The following LCN8 variants were observed in gnomAD, a reference collection of about 807,000 sequenced individuals.
LCN8 encodes lipocalin 8.
LCN8 carries 16 observed loss-of-function variants against 22.8 expected under a neutral mutation model. That is an observed-to-expected ratio of 0.70 (90% CI 0.47 to 1.06). The LOEUF (loss-of-function observed/expected upper bound fraction) is 1.06. Among genes scored for constraint, LCN8 ranks in the 50% least tolerant of loss-of-function variants. The pLI, the probability that LCN8 is intolerant of heterozygous loss-of-function variation, is 0.00. For synonymous variants in LCN8, 92 were observed against 83.4 expected (o/e 1.10, Z -0.56); for missense variants, 189 against 203.3 (o/e 0.93, Z 0.43).
At position 136,755,358 on chromosome 9, in the gene LCN8, G is replaced by A. The variant is rs114882933; in HGVS notation, c.332-25C>T. 4,742 of 1,610,028 alleles carry A rather than the reference G, an allele frequency of 2.9e-3. 133 individuals are homozygous for A. The African/African-American group carries it at 0.054, about 18-fold the overall frequency. On this transcript the variant is annotated intron_variant, in intron 4 of 6. Coordinates refer to ENST00000371688, the MANE Select transcript of LCN8 (RefSeq NM_178469.4). ...GCTGTGGGGCACAGGGGGGCTGGGC[G>A]GGCAGTCCCTGGGAGAGCAGCAGCT...
chr9:136,757,903 C>G lies in LCN8; in HGVS notation c.24+4G>C, dbSNP rs371587943. 1.2e-6 allele frequency: 2 copies of G among 1,613,644 alleles called. No individual in the cohort carries two copies. Among genetic ancestry groups the G allele is most frequent in the South Asian group, 1.1e-5 (1 of 91,084 alleles). On this transcript the variant is annotated splice_donor_region_variant and intron_variant, in intron 1 of 6. Transcript: ENST00000371688. ...AGCCCCACCAACTAAGAAGGAGAAG[C>G]CACCTTCTGCCGGTCCAGCTCCTCC...
chr9:136,757,638 C>T (rs916660213), intron 1 of LCN8: 43 of 1,419,224 alleles, frequency 3.0e-5, no homozygotes, highest in East Asian at 2.3e-4. Flanking sequence ...CGCCCAGAGC[C>T]GGGACTTCCG....
rs768355848 is a variant in LCN8, at chr9:136,755,213, C to A, written c.421+31G>T. 2.5e-6 allele frequency: 4 copies of A among 1,610,654 alleles called. No homozygotes were observed. The East Asian group carries it at 8.9e-5, about 36-fold the overall frequency. On this transcript the variant is annotated intron_variant, in intron 5 of 6. Coordinates refer to ENST00000371688, the MANE Select transcript of LCN8 (RefSeq NM_178469.4). Reference sequence around the variant, plus strand: ...GCAGAGTCAGCCCACAGGGCCCAGCCCAGCCTCCACCCCAAGGCCCCTGGG... The same window carrying A: ...GCAGAGTCAGCCCACAGGGCCCAGCACAGCCTCCACCCCAAGGCCCCTGGG...
rs374645836 is a variant in LCN8, at chr9:136,755,319, C to T, written c.346G>A (p.Asp116Asn). 1.2e-4 allele frequency: 191 copies of T among 1,609,908 alleles called. No homozygotes were observed. Among genetic ancestry groups the T allele is most frequent in the Non-Finnish European group, 1.6e-4 (184 of 1,180,002 alleles). The change falls in exon 5 of 7, where the codon GAC (aspartate) becomes AAC (asparagine). Residue 116 changes from aspartate (D) to asparagine (N), a missense_variant. Asp to Asn is a conservative substitution (Grantham distance 23). Coordinates refer to ENST00000371688, the MANE Select transcript of LCN8 (RefSeq NM_178469.4). Reference protein sequence around the residue: ...VLKYFTRSLEDKDRLGFWKFR... With the variant: ...VLKYFTRSLENKDRLGFWKFR... ...TTCCAGAACCCCAGCCGGTCCTTGTCCTCAAGGCTCCGAGCTGTGGGGCAC... is the reference window on the plus strand; with the variant it reads ...TTCCAGAACCCCAGCCGGTCCTTGTTCTCAAGGCTCCGAGCTGTGGGGCAC...
At position 136,754,411 on chromosome 9, in the gene LCN8, G is replaced by A; in HGVS notation, c.*87C>T. The A allele has an allele frequency of 6.5e-7, 1 of 1,538,372 alleles. No homozygotes were observed. The highest frequency in any genetic ancestry group is 8.7e-7 in the Non-Finnish European group (1 of 1,143,058). The stretch of plus-strand genomic sequence containing the variant: ...TTGACTTCACAGTTTATTCAGAGCA[G>A]GTGCAGGTGACCTGGTGGGCAGGGT... On this transcript the variant is annotated 3_prime_UTR_variant, in exon 7 of 7. Transcript: ENST00000371688.
chr9:136,754,626 C>T, intron 6 of LCN8, 117 bp from the exon 7 acceptor site: 1 of 1,470,530 alleles, frequency 6.8e-7, no homozygotes, highest in Non-Finnish European at 9.0e-7. Context: ...GCGCAAAGCA[C>T]CCAGCTCCCT....
intron 6 of LCN8, chr9:136,754,754 G>T (rs45530040): frequency 0.01 from 13,965 of 1,386,182 alleles, 94 homozygotes; most frequent in Non-Finnish European, 0.012. Context: ...CTGAGGCAGC[G>T]CCCGCAGGAT....
chr9:136,754,681 T>C (rs569977716), intron 6 of LCN8, 172 bp from the exon 7 acceptor site: 15 of 1,427,912 alleles, frequency 1.1e-5, no homozygotes, highest in African/African-American at 2.9e-5. Context: ...GCCCAGCCTC[T>C]AGGGCCAAGA....
At chr9:136,754,642 C>T in intron 6 of LCN8, 133 bp from the exon 7 acceptor site, 2 of 1,443,254 alleles carry the variant, frequency 1.4e-6, no homozygotes, top group South Asian at 2.9e-5. Context: ...TCCCTGAGCG[C>T]CTTCTCAATC....
chr9:136,756,427 A>G (rs1398395421), intron 3 of LCN8, 95 bp downstream of exon 3: 1 of 1,610,284 alleles, frequency 6.2e-7, no homozygotes. Flanking sequence ...AGGGAACAGC[A>G]TGGGGAACAG....
At chr9:136,757,749 G>C in intron 1 of LCN8, 158 bp downstream of exon 1, 1 of 985,434 alleles carries the variant, frequency 1.0e-6, no homozygotes, top group Non-Finnish European at 1.2e-6. Context: ...CCCAGCAGCC[G>C]GCACAGACTC....
Position 136,754,423 on chromosome 9 carries a change from C to T in LCN8, c.*75G>A. ...TTTATTCAGAGCAGGTGCAGGTGAC[C>T]TGGTGGGCAGGGTGCCCAGGAGGGG... On this transcript the variant is annotated 3_prime_UTR_variant, in exon 7 of 7. Coordinates refer to ENST00000371688, the MANE Select transcript of LCN8 (RefSeq NM_178469.4). The T allele has an allele frequency of 7.3e-7, 1 of 1,363,244 alleles. No individual in the cohort carries two copies. The highest frequency in any genetic ancestry group is 9.8e-7 in the Non-Finnish European group (1 of 1,022,518). The allele number at this position is 1,363,244 out of a possible 1,614,324, so 84.4% of individuals were successfully genotyped here.
rs1002880265 is a variant in LCN8 at position 136,757,062 on chromosome 9, A to G, written c.131T>C (p.Leu44Pro). The G allele has an allele frequency of 6.2e-7, 1 of 1,613,502 alleles. No homozygotes were observed. The highest frequency in any genetic ancestry group is 1.1e-5 in the South Asian group (1 of 90,920). Residue 44 changes from leucine to proline, a missense_variant, in exon 2 of 7, where the codon CTG becomes CCG. Transcript: ENST00000371688. ...CCTGTTATATGCAACCTTCACGGTCAGGTTACTCCCGCTCAAGGTGAGGAA... is the reference window on the plus strand; with the variant it reads ...CCTGTTATATGCAACCTTCACGGTCGGGTTACTCCCGCTCAAGGTGAGGAA... ...GLFLTLSGSN[L>P]TVKVAYNSSG... is the part of the protein sequence containing the mutation.
intron 2 of LCN8, among the ~76,000 whole-genome samples, 167 bp from the exon 3 acceptor site, chr9:136,756,759 C>A (rs748851436): frequency 6.6e-6 from 1 of 152,218 alleles, no homozygotes; most frequent in Non-Finnish European, 1.5e-5. Flanking sequence ...GGGCCTTCCC[C>A]TGGGGATTCT....
upstream of LCN8, chr9:136,758,307 A>C: frequency 8.7e-7 from 1 of 1,153,928 alleles, no homozygotes. Flanking sequence ...GGGCTCGGTG[A>C]CCCCCACCCC....
chr9:136,754,741 G>T lies in LCN8; in HGVS notation c.448-232C>A, dbSNP rs1332074384. The T allele has an allele frequency of 4.3e-6, 6 of 1,391,696 alleles. No individual in the cohort carries two copies. The South Asian group carries it at 8.3e-5, about 19-fold the overall frequency. The allele number at this position is 1,391,696 out of a possible 1,614,324, so 86.2% of individuals were successfully genotyped here. A position where few individuals can be genotyped will look rare whatever the true frequency, so the allele number is the denominator to read the frequency against. Reference sequence around the variant, plus strand: ...GGTTCTCGCAGTGCCCAACATGGGAGCCCTGAGGCAGCGCCCGCAGGATCT... The same window carrying T: ...GGTTCTCGCAGTGCCCAACATGGGATCCCTGAGGCAGCGCCCGCAGGATCT... On this transcript the variant is annotated intron_variant, in intron 6 of 6. Coordinates refer to ENST00000371688, the MANE Select transcript of LCN8 (RefSeq NM_178469.4).
chr9:136,756,827 G>A (rs1013872216), intron 2 of LCN8, among the ~76,000 whole-genome samples: 1 of 152,204 alleles, frequency 6.6e-6, no homozygotes, highest in Admixed American at 6.5e-5. Context: ...AAGTTCACGG[G>A]GCTTCATTAA....
rs890728586 is a variant in LCN8, at chr9:136,755,282, A to G, written c.383T>C (p.Leu128Pro). 8.7e-6 allele frequency: 14 copies of G among 1,611,798 alleles called. No individual in the cohort carries two copies. The highest frequency in any genetic ancestry group is 1.2e-5 in the Non-Finnish European group (14 of 1,179,994). Residue 128 changes from leucine (L) to proline (P), a missense_variant, in exon 5 of 7, where the codon CTG becomes CCG. Transcript: ENST00000371688. Reference sequence around the variant, plus strand: ...CAGGTAGAGACCAGTGTCTGCTGTCAGCTCCCGAAACTTCCAGAACCCCAG... The same window carrying G: ...CAGGTAGAGACCAGTGTCTGCTGTCGGCTCCCGAAACTTCCAGAACCCCAG... ...DRLGFWKFRE[L>P]TADTGLYLAA... is the part of the protein sequence containing the mutation.
At chr9:136,757,683 G>A in intron 1 of LCN8, 1 of 1,439,530 alleles carries the variant, frequency 6.9e-7, no homozygotes, top group Non-Finnish European at 9.1e-7. Context: ...TTTTCGGGAG[G>A]AAAGAATCTT....
Sources: allele counts gnomAD v4.1 joint callset (sites outside exome capture counted in the v4.1 genomes callset), GRCh38; gene constraint gnomAD v4.1.1; transcripts MANE v1.5; gene names NCBI Gene and HGNC (gene_info 2026-07-23, HGNC 2026-07-21).